CRBN: variants seen among roughly 807,000 people sequenced by gnomAD.
CRBN encodes the protein protein cereblon.
Under a neutral mutation model 62.2 loss-of-function variants are expected in CRBN, and 53 were observed. The ratio of observed to expected loss-of-function variants is 0.85; its 90% confidence interval spans 0.68 to 1.07. CRBN has a LOEUF of 1.07. Among genes scored for constraint, CRBN ranks in the 50% least tolerant of loss-of-function variants. CRBN has a pLI of 0.00. For missense variants in CRBN, 616 were observed against 531.1 expected, an observed-to-expected ratio of 1.16 and a Z score of -1.57; for synonymous variants, 208 against 176.1, an observed-to-expected ratio of 1.18 and a Z score of -1.43.
At chr3:3,163,457 G>T (rs1040431735) in intron 5 of CRBN, among the ~76,000 whole-genome samples, 1 of 146,938 alleles carries the variant, frequency 6.8e-6, no homozygotes, top group Non-Finnish European at 1.5e-5. Context: ...TGGCAACCCA[G>T]TTGCATGGGC....
At chr3:3,176,061 G>A (rs563494962) in intron 1 of CRBN, among the ~76,000 whole-genome samples, 25 of 152,160 alleles carry the variant, frequency 1.6e-4, no homozygotes, top group African/African-American at 4.6e-4. Flanking sequence ...TGTACCCTTC[G>A]GAAGCAAATC....
chr3:3,152,325 G>A, intron 10 of CRBN, 131 bp downstream of exon 10: 1 of 1,023,530 alleles, frequency 9.8e-7, no homozygotes, highest in East Asian at 2.5e-5. Flanking sequence ...GCTAATTTTT[G>A]TAGCAAATTA....
chr3:3,177,224 C>T (rs1384070027), intron 1 of CRBN, among the ~76,000 whole-genome samples: 1 of 152,104 alleles, frequency 6.6e-6, no homozygotes, highest in Non-Finnish European at 1.5e-5. Context: ...TTTTAAATGC[C>T]CCAAATAAAC....
In CRBN at chr3:3,167,652, C is replaced by T. The variant is rs748580940; in HGVS notation, c.669G>A (p.Trp223Ter). Residue 223 changes from tryptophan to a stop codon, truncating the protein, a stop_gained, in exon 5 of 11, where the codon TGG becomes TGA. Coordinates refer to ENST00000231948, the MANE Select transcript of CRBN (RefSeq NM_016302.4). LOFTEE classifies it high-confidence loss of function. ...VSREDQCSYKWWQKYQKRKFH... is the reference protein window; with the variant it reads ...VSREDQCSYK The stretch of plus-strand genomic sequence containing the variant: ...TTCTCACCTTCTGGTATTTCTGCCA[C>T]CATTTATATGAACATTGGTCTTCTC... 3 of 1,612,852 alleles carry T rather than the reference C, an allele frequency of 1.9e-6. No individual in the cohort carries two copies. In the South Asian group the frequency reaches 3.3e-5, roughly 18 times the overall value.
At chr3:3,153,029 A>G (rs183985032) in intron 9 of CRBN, 62 of 304,608 alleles carry the variant, frequency 2.0e-4, no homozygotes, top group African/African-American at 1.2e-3. Context: ...AAACACTGTT[A>G]TATCAGAGCA....
At chr3:3,154,648 TCTTAAAAC>T in intron 7 of CRBN, 91 bp downstream of exon 7, 1 of 754,950 alleles carries the variant, frequency 1.3e-6, no homozygotes, top group African/African-American at 1.7e-5. Flanking sequence ...TTTTAATCAG[TCTTAAAAC>T]CTAGAAGATA....
intron 5 of CRBN, among the ~76,000 whole-genome samples, chr3:3,161,196 G>C (rs185321244): frequency 2.8e-4 from 42 of 152,212 alleles, no homozygotes; most frequent in Middle Eastern, 3.4e-3. Context: ...AAAAATGTTT[G>C]GAACTCATTA....
At chr3:3,162,459 G>A (rs1365968634) in intron 5 of CRBN, among the ~76,000 whole-genome samples, 1 of 152,110 alleles carries the variant, frequency 6.6e-6, no homozygotes, top group African/African-American at 2.4e-5. Flanking sequence ...GTCTCTAGAT[G>A]GAGTGGGTTT....
chr3:3,167,586 AC>A (rs775728142), intron 5 of CRBN, 47 bp downstream of exon 5: 3 of 1,574,360 alleles, frequency 1.9e-6, no homozygotes, highest in Non-Finnish European at 2.6e-6. Flanking sequence ...AGGAAAAAAA[AC>A]AACCTGTCTT....
intron 5 of CRBN, among the ~76,000 whole-genome samples, chr3:3,159,536 G>A (rs17027700): frequency 0.019 from 2,949 of 152,276 alleles, 89 homozygotes; most frequent in African/African-American, 0.066. Flanking sequence ...AGAATAAAAT[G>A]TGGCACACTA....
At chr3:3,149,716 T>C (rs573181181), downstream of CRBN, 1 of 152,272 alleles carries the variant, frequency 6.6e-6, no homozygotes, top group East Asian at 1.9e-4. Context: ...GGAAGTATTC[T>C]TGAATTTTCA....
intron 5 of CRBN, among the ~76,000 whole-genome samples, chr3:3,165,217 TCTA>T (rs1398132717): frequency 1.1e-4 from 17 of 152,200 alleles, no homozygotes; most frequent in East Asian, 1.9e-4. Context: ...TGAGAAGAAA[TCTA>T]CTGCTGAAGA....
chr3:3,163,914 T>G (rs951196890), intron 5 of CRBN, among the ~76,000 whole-genome samples: 3 of 152,266 alleles, frequency 2.0e-5, no homozygotes, highest in Non-Finnish European at 4.4e-5. Context: ...ACTACCTGCC[T>G]GTGCCATATT....
At chr3:3,164,409 C>T (rs13099110) in intron 5 of CRBN, among the ~76,000 whole-genome samples, 3,282 of 152,240 alleles carry the variant, frequency 0.022, 71 homozygotes, top group Middle Eastern at 0.054. Flanking sequence ...GACAGAAGAT[C>T]AAACCAGCCA....
intron 5 of CRBN, chr3:3,167,306 T>C (rs143217104): frequency 0.011 from 2,520 of 223,366 alleles, 45 homozygotes; most frequent in Middle Eastern, 0.022. Context: ...TTTAAGATAA[T>C]GGATGTTTAT....
chr3:3,154,319 A>G (rs900870285), intron 7 of CRBN: 1 of 516,106 alleles, frequency 1.9e-6, no homozygotes, highest in African/African-American at 1.9e-5. Flanking sequence ...ACTCAAATCC[A>G]TGTTAGAAGT....
chr3:3,174,136 C>A lies in CRBN; in HGVS notation c.300G>T (p.Gln100His), dbSNP rs781289482. ...TACTGACTTCTTGAGGGTGAAAAAG[C>A]TGAAGAGGTAATGTCTGTCCGGGAA... Reference protein sequence around the residue: ...ILIPGQTLPLQLFHPQEVSMV... With the variant: ...ILIPGQTLPLHLFHPQEVSMV... The change falls in exon 3 of 11, where the codon CAG (glutamine) becomes CAT (histidine). Residue 100 changes from glutamine to histidine, a missense_variant. Physicochemically the swap from Gln to His is conservative, Grantham distance 24. Transcript: ENST00000231948. The A allele has an allele frequency of 8.7e-6, 14 of 1,614,016 alleles. 1 individual carries two copies. The Admixed American group carries it at 2.0e-4, about 23-fold the overall frequency.
At position 3,175,202 on chromosome 3, in the gene CRBN, G is replaced by A; in HGVS notation, c.135C>T (p.Asn45=). 1 of 1,613,096 alleles carries A rather than the reference G, an allele frequency of 6.2e-7. No homozygotes were observed. The change falls in exon 2 of 11, where the codon AAC becomes AAT. Residue 45 remains asparagine, a synonymous_variant. Coordinates refer to ENST00000231948, the MANE Select transcript of CRBN (RefSeq NM_016302.4). ...DQDSKEAKKP[N]IINFDTSLPT... ...GCAGACTGGTGTCAAAATTTATGAT[G>A]TTTGGTTTTTTGGCTTCTTTACTAT...
intron 3 of CRBN, among the ~76,000 whole-genome samples, 159 bp from the exon 4 acceptor site, chr3:3,173,084 G>C (rs1040030517): frequency 6.6e-6 from 1 of 152,106 alleles, no homozygotes; most frequent in African/African-American, 2.4e-5. Flanking sequence ...TTGAGATGGA[G>C]TCTCGCTGCG....
Sources: allele counts gnomAD v4.1 joint callset (sites outside exome capture counted in the v4.1 genomes callset), GRCh38; gene constraint gnomAD v4.1.1; transcripts MANE v1.5; gene names NCBI Gene and HGNC (gene_info 2026-07-23, HGNC 2026-07-21).